The following KCNB2 variants were observed in gnomAD, a reference collection of about 807,000 sequenced individuals.
KCNB2 encodes potassium voltage-gated channel subfamily B member 2, also known as delayed rectifier potassium channel protein.
In KCNB2, 15 loss-of-function variants were observed where a neutral mutation model predicts 61.5. That is an observed-to-expected ratio of 0.24 (90% CI 0.16 to 0.38). KCNB2 has a LOEUF of 0.38. Ranked by LOEUF, KCNB2 falls within the 10% of genes least tolerant of loss-of-function variation. The pLI is 1.00. For missense variants in KCNB2, 828 were observed against 1,125.2 expected (o/e 0.74, Z 3.78); for synonymous variants, 457 against 446.0 (o/e 1.02, Z -0.31).
chr8:72,699,114 G>C (rs1023920984), intron 2 of KCNB2, among the ~76,000 whole-genome samples: 1 of 152,038 alleles, frequency 6.6e-6, no homozygotes, highest in Non-Finnish European at 1.5e-5. Context: ...AACTGACAAA[G>C]GTATGACATC....
chr8:72,882,557 A>AGAGAGAGAGAGAGAGAGAGAG (rs1220336466), intron 2 of KCNB2, among the ~76,000 whole-genome samples: 253 of 71,638 alleles, frequency 3.5e-3, no homozygotes, highest in Non-Finnish European at 4.6e-3. Context: ...GAGAGAGAGA[A>AGAGAGAGAGAGAGAGAGAGAG]TGTGTGTCTT....
rs193196228 is a variant in KCNB2, at chr8:72,563,734, A to C, written c.-93-3908A>C. Among the ~76,000 whole-genome samples, 331 of 152,256 alleles carry C rather than the reference A, an allele frequency of 2.2e-3. 1 individual carries two copies. Among genetic ancestry groups the C allele is most frequent in the Middle Eastern group, 6.8e-3 (2 of 294 alleles). ...GTGAGTTTCAAAGGCACTGTTGATC[A>C]GGGCTGATGCTCTGCAGCTTGCATT... On this transcript the variant is annotated intron_variant, in intron 1 of 2. Coordinates refer to ENST00000523207, the MANE Select transcript of KCNB2 (RefSeq NM_004770.3).
At chr8:72,759,061 TAATGA>T (rs796468245) in intron 2 of KCNB2, among the ~76,000 whole-genome samples, 3 of 152,268 alleles carry the variant, frequency 2.0e-5, no homozygotes, top group African/African-American at 7.2e-5. Flanking sequence ...TAGTCTGAAC[TAATGA>T]AAGTGTTATG....
chr8:72,730,075 C>A (rs1807715299), intron 2 of KCNB2, among the ~76,000 whole-genome samples: 1 of 152,074 alleles, frequency 6.6e-6, no homozygotes, highest in African/African-American at 2.4e-5. Context: ...AAAGTTCCTT[C>A]TTGATGCCCG....
intron 2 of KCNB2, among the ~76,000 whole-genome samples, chr8:72,657,840 A>G (rs1806316484): frequency 6.6e-6 from 1 of 152,138 alleles, no homozygotes. Flanking sequence ...ACGTATATCT[A>G]AAAACATTCT....
At chr8:72,707,581 C>T (rs964170511) in intron 2 of KCNB2, among the ~76,000 whole-genome samples, 1 of 152,156 alleles carries the variant, frequency 6.6e-6, no homozygotes, top group African/African-American at 2.4e-5. Context: ...ACACATGCTT[C>T]AGGGGAGCAT....
In KCNB2 at chr8:72,741,573, CT is replaced by C. The variant is rs199628708; in HGVS notation, c.579+173261del. On this transcript the variant is annotated intron_variant, in intron 2 of 2. Coordinates refer to ENST00000523207, the MANE Select transcript of KCNB2 (RefSeq NM_004770.3). ...AGTCTTTTATTCCTCATTCCACCCC[CT>C]CACTCTTCCCCCTTGTCCCAAAGTC... Among the ~76,000 whole-genome samples, 48 of 152,066 alleles carry C rather than the reference CT, an allele frequency of 3.2e-4. No homozygotes were observed. The East Asian group carries it at 8.7e-3, about 28-fold the overall frequency.
chr8:72,841,748 A>G (rs1178655619), intron 2 of KCNB2, among the ~76,000 whole-genome samples: 2 of 152,202 alleles, frequency 1.3e-5, no homozygotes, highest in Non-Finnish European at 2.9e-5. Context: ...ATTGTTGAAT[A>G]GGAATGCTTG....
intron 2 of KCNB2, among the ~76,000 whole-genome samples, chr8:72,668,882 C>T (rs1378274628): frequency 1.3e-5 from 2 of 151,948 alleles, no homozygotes; most frequent in Non-Finnish European, 2.9e-5. Flanking sequence ...AGACATTTGT[C>T]GAATGATGGA....
At chr8:72,910,354 A>T (rs1044204866) in intron 2 of KCNB2, among the ~76,000 whole-genome samples, 1 of 152,140 alleles carries the variant, frequency 6.6e-6, no homozygotes, top group Non-Finnish European at 1.5e-5. Context: ...AGAACCACCA[A>T]TGCATAGAAC....
At chr8:72,912,489 C>CATATAT (rs5892374) in intron 2 of KCNB2, among the ~76,000 whole-genome samples, 188 of 137,314 alleles carry the variant, frequency 1.4e-3, no homozygotes, top group East Asian at 4.0e-3. Context: ...AGCTTTTATT[C>CATATAT]ATATATATAT....
At chr8:72,867,111 A>T (rs1805533238) in intron 2 of KCNB2, among the ~76,000 whole-genome samples, 1 of 152,214 alleles carries the variant, frequency 6.6e-6, no homozygotes, top group South Asian at 2.1e-4. Flanking sequence ...ATAAATGAAT[A>T]ATTAGCCAAT....
chr8:72,614,422 G>T (rs1330052216), intron 2 of KCNB2, among the ~76,000 whole-genome samples: 1 of 152,154 alleles, frequency 6.6e-6, no homozygotes, highest in Non-Finnish European at 1.5e-5. Context: ...GCCCTGTAAA[G>T]GTAGACAAGG....
intron 2 of KCNB2, among the ~76,000 whole-genome samples, chr8:72,873,616 G>T (rs1563411199): frequency 6.6e-6 from 1 of 152,230 alleles, no homozygotes; most frequent in Non-Finnish European, 1.5e-5. Flanking sequence ...AGGTGAACAA[G>T]AACCCATACT....
intron 2 of KCNB2, among the ~76,000 whole-genome samples, chr8:72,805,763 C>T (rs1024037137): frequency 6.6e-6 from 1 of 152,104 alleles, no homozygotes; most frequent in Non-Finnish European, 1.5e-5. Context: ...CATCATTATG[C>T]CCCTTTGGCC....
intron 2 of KCNB2, among the ~76,000 whole-genome samples, chr8:72,845,605 G>A (rs2129002934): frequency 6.6e-6 from 1 of 152,318 alleles, no homozygotes; most frequent in Middle Eastern, 3.4e-3. Flanking sequence ...CCCCGACTGG[G>A]GCTGCTGCCT....
At chr8:72,647,501 A>G (rs908575270) in intron 2 of KCNB2, among the ~76,000 whole-genome samples, 10 of 152,204 alleles carry the variant, frequency 6.6e-5, no homozygotes, top group African/African-American at 2.4e-4. Context: ...AGTTATAAAT[A>G]TAATAATTAT....
intron 2 of KCNB2, among the ~76,000 whole-genome samples, chr8:72,591,130 T>C (rs965231502): frequency 2.0e-5 from 3 of 152,126 alleles, no homozygotes; most frequent in African/African-American, 7.2e-5. Flanking sequence ...TTAACTCCTT[T>C]GAAAATCTCT....
At chr8:72,669,069 C>T (rs1806522382) in intron 2 of KCNB2, among the ~76,000 whole-genome samples, 1 of 152,162 alleles carries the variant, frequency 6.6e-6, no homozygotes, top group Admixed American at 6.5e-5. Flanking sequence ...GTTAATTAGA[C>T]TGACCTGGCT....
Sources: gnomAD v4.1 joint callset for allele counts (sites outside exome capture counted in the v4.1 genomes callset) on GRCh38, gnomAD v4.1.1 for gene constraint, MANE v1.5 for transcripts, NCBI Gene and HGNC (gene_info 2026-07-23, HGNC 2026-07-21) for gene names.